Variants in TSTD2 observed in about 807,000 individuals in gnomAD.
The protein encoded by TSTD2 is thiosulfate sulfurtransferase like domain containing 2.
A neutral mutation model predicts 47.9 loss-of-function variants in TSTD2; 37 were observed. That is an observed-to-expected ratio of 0.77 (90% CI 0.59 to 1.02). The LOEUF (loss-of-function observed/expected upper bound fraction) is 1.02. Among genes scored for constraint, TSTD2 ranks in the 50% least tolerant of loss-of-function variants. The pLI, the probability that TSTD2 is intolerant of heterozygous loss-of-function variation, is 0.00. For missense variants in TSTD2, 586 were observed against 616.0 expected (o/e 0.95, Z 0.52); for synonymous variants, 201 against 215.9 (o/e 0.93, Z 0.61).
chr9:97,604,821 CT>C lies in TSTD2; in HGVS notation c.1157del (p.Lys386SerfsTer57). ...AGCCATCAGGAAACTCTTCCAGGTA[CT>C]TGTGGATGCCACCCTTGAGCTGGAA... ...EVFQLKGGIH[K>X]YLEEFPDGFY... On this transcript the variant is annotated frameshift_variant, in exon 9 of 10. Coordinates refer to ENST00000341170, the MANE Select transcript of TSTD2 (RefSeq NM_139246.5). LOFTEE classifies it high-confidence loss of function. The C allele has an allele frequency of 1.2e-6, 2 of 1,614,238 alleles. No homozygotes were observed. The highest frequency in any genetic ancestry group is 2.2e-5 in the East Asian group (1 of 44,894).
At chr9:97,614,624 G>C (rs1005441950) in intron 4 of TSTD2, among the ~76,000 whole-genome samples, 1 of 152,192 alleles carries the variant, frequency 6.6e-6, no homozygotes, top group African/African-American at 2.4e-5. Context: ...TGTGAGCCGA[G>C]ATCTGAAGTG....
intron 3 of TSTD2, among the ~76,000 whole-genome samples, chr9:97,619,724 GTTCA>G (rs1268690250): frequency 1.3e-5 from 2 of 152,046 alleles, no homozygotes; most frequent in African/African-American, 4.8e-5. Flanking sequence ...AGAAAGATGT[GTTCA>G]TTGACTGTTT....
chr9:97,602,727 G>C lies in TSTD2; in HGVS notation c.1293C>G (p.Leu431=), dbSNP rs769768342. 6 of 1,614,090 alleles carry C rather than the reference G, an allele frequency of 3.7e-6. No individual in the cohort carries two copies. The African/African-American group carries it at 6.7e-5, about 18-fold the overall frequency. ...YCGARWDQYK[L]CSTPQCRQLV... ...GCTGGCGGCACTGGGGAGTAGAGCA[G>C]AGTTTATACTGGTCCCAGCGGGCTC... is the stretch of plus-strand genomic sequence containing the variant. Residue 431 remains leucine, a synonymous_variant, in exon 10 of 10, where the codon CTC becomes CTG. Transcript: ENST00000341170.
Position 97,602,044 on chromosome 9 carries a change from T to G in TSTD2, c.*425A>C, listed in dbSNP as rs967574433. The G allele has an allele frequency of 6.2e-6, 1 of 161,964 alleles. No homozygotes were observed. Among genetic ancestry groups the G allele is most frequent in the East Asian group, 1.8e-4 (1 of 5,462 alleles). The allele number at this position is 161,964 out of a possible 1,614,324, so 10.0% of individuals were successfully genotyped here. On this transcript the variant is annotated 3_prime_UTR_variant, in exon 10 of 10. Coordinates refer to ENST00000341170, the MANE Select transcript of TSTD2 (RefSeq NM_139246.5). ...GCGAGAGACAGAGGTTAAGGGTAGA[T>G]GGCAGATGACCTAAGTGGCTTGTTT...
At chr9:97,620,091 C>A (rs1203610629) in intron 3 of TSTD2, among the ~76,000 whole-genome samples, 1 of 152,214 alleles carries the variant, frequency 6.6e-6, no homozygotes, top group African/African-American at 2.4e-5. Flanking sequence ...ACCCAAATCT[C>A]ATCTTGAATT....
chr9:97,604,722 C>T lies in TSTD2; in HGVS notation c.1252+5G>A. On this transcript the variant is annotated splice_donor_5th_base_variant and intron_variant, in intron 9 of 9. Coordinates refer to ENST00000341170, the MANE Select transcript of TSTD2 (RefSeq NM_139246.5). ...AGTTTGGGCTCTGAGCCTGTGCTGA[C>T]CTACCTGACACCACATCACTGTTGT... 1 of 1,614,134 alleles carries T rather than the reference C, an allele frequency of 6.2e-7. No individual in the cohort carries two copies. Among genetic ancestry groups the T allele is most frequent in the Non-Finnish European group, 8.5e-7 (1 of 1,179,998 alleles).
At chr9:97,610,491 C>T in intron 5 of TSTD2, 40 bp from the exon 6 acceptor site, 1 of 1,415,772 alleles carries the variant, frequency 7.1e-7, no homozygotes. Context: ...GTCTTGCTGT[C>T]CCATCTCCAG....
intron 4 of TSTD2, among the ~76,000 whole-genome samples, chr9:97,614,399 A>G (rs765298745): frequency 6.0e-5 from 8 of 133,692 alleles, no homozygotes; most frequent in African/African-American, 2.7e-4. Context: ...CATGCATTCT[A>G]TATTCTCCAA....
At chr9:97,611,850 CTG>C (rs1418655443) in intron 4 of TSTD2, 151 bp from the exon 5 acceptor site, 41 of 767,604 alleles carry the variant, frequency 5.3e-5, no homozygotes, top group Non-Finnish European at 7.1e-5. Flanking sequence ...ACAAAGATAT[CTG>C]TGTTTTTCTT....
intron 6 of TSTD2, 128 bp downstream of exon 6, chr9:97,610,218 G>A (rs1182823802): frequency 4.2e-6 from 3 of 712,758 alleles, no homozygotes; most frequent in Non-Finnish European, 6.8e-6. Flanking sequence ...GCAGCCAAGT[G>A]TTAGCCACCC....
chr9:97,626,353 G>A (rs1411853617), intron 2 of TSTD2, among the ~76,000 whole-genome samples: 1 of 152,092 alleles, frequency 6.6e-6, no homozygotes, highest in Non-Finnish European at 1.5e-5. Flanking sequence ...AGTAAATTAT[G>A]AAGTATGCTT....
intron 3 of TSTD2, among the ~76,000 whole-genome samples, chr9:97,620,365 T>C (rs565875238): frequency 6.6e-6 from 1 of 152,316 alleles, no homozygotes; most frequent in East Asian, 1.9e-4. Context: ...ATTAAACCTC[T>C]TTCTTTTGTA....
chr9:97,617,987 C>G lies in TSTD2; in HGVS notation c.483-110G>C, dbSNP rs1448087065. On this transcript the variant is annotated intron_variant, in intron 3 of 9. Coordinates refer to ENST00000341170, the MANE Select transcript of TSTD2 (RefSeq NM_139246.5). ...GAGGGAAGGCTAAGATGAGGACACT[C>G]ATGCCTGTCTTTGCTGTGATGATTG... 4.3e-6 allele frequency: 6 copies of G among 1,392,932 alleles called. No individual in the cohort carries two copies. The African/African-American group carries it at 7.2e-5, about 17-fold the overall frequency. The allele number at this position is 1,392,932 out of a possible 1,614,324, so 86.3% of individuals were successfully genotyped here.
chr9:97,606,615 G>T (rs1183756582), intron 6 of TSTD2, among the ~76,000 whole-genome samples: 1 of 152,186 alleles, frequency 6.6e-6, no homozygotes, highest in Non-Finnish European at 1.5e-5. Context: ...CTGGTCCATT[G>T]TATGGTCACT....
At position 97,600,445 on chromosome 9, in the gene TSTD2, G is replaced by GTT; in HGVS notation, c.*2022_*2023dup. On this transcript the variant is annotated 3_prime_UTR_variant, in exon 10 of 10. Coordinates refer to ENST00000341170, the MANE Select transcript of TSTD2 (RefSeq NM_139246.5). ...GATTTATGTACAATTTAATACTGGA[G>GTT]TTAGAACTTTTTCCTTATTGAATGC... 2 of 985,620 alleles carry GTT rather than the reference G, an allele frequency of 2.0e-6. No homozygotes were observed. The highest frequency in any genetic ancestry group is 9.4e-5 in the South Asian group (2 of 21,300). 61.1% of individuals were successfully genotyped at this position (985,620 alleles called of 1,614,324 possible).
At chr9:97,626,251 A>G (rs1369321252) in intron 2 of TSTD2, among the ~76,000 whole-genome samples, 1 of 152,202 alleles carries the variant, frequency 6.6e-6, no homozygotes, top group Non-Finnish European at 1.5e-5. Context: ...TTCTCAGGAT[A>G]TAAGACTAAG....
chr9:97,611,465 G>C (rs1587977983), intron 5 of TSTD2, 109 bp downstream of exon 5: 13 of 1,258,928 alleles, frequency 1.0e-5, no homozygotes, highest in East Asian at 4.9e-5. Flanking sequence ...AAGGGGAAAG[G>C]GTATTTATTT....
At chr9:97,602,960 G>A (rs1826293607) in intron 9 of TSTD2, 193 bp from the exon 10 acceptor site, 1 of 523,784 alleles carries the variant, frequency 1.9e-6, no homozygotes, top group Admixed American at 4.0e-5. Context: ...TTTTTGTGGG[G>A]GTGACTTCTG....
At position 97,602,480 on chromosome 9, in the gene TSTD2, C is replaced by A. The variant is rs1483918655; in HGVS notation, c.1540G>T (p.Val514Leu). The A allele has an allele frequency of 6.2e-7, 1 of 1,607,978 alleles. No individual in the cohort carries two copies. The highest frequency in any genetic ancestry group is 1.1e-5 in the South Asian group (1 of 90,104). ...PGPDADEDGPVLM is the reference protein window; with the variant it reads ...PGPDADEDGPLLM ...GCCAAAGGTGCTGCTCACATAAGCA[C>A]TGGCCCATCCTCATCAGCATCAGGC... The change falls in exon 10 of 10, where the codon GTG becomes TTG. Residue 514 changes from valine to leucine, a missense_variant. By Grantham distance (32) the Val-to-Leu change is conservative (BLOSUM62 1). Coordinates refer to ENST00000341170, the MANE Select transcript of TSTD2 (RefSeq NM_139246.5).
Sources: allele counts gnomAD v4.1 joint callset (sites outside exome capture counted in the v4.1 genomes callset), GRCh38; gene constraint gnomAD v4.1.1; transcripts MANE v1.5; gene names NCBI Gene and HGNC (gene_info 2026-07-23, HGNC 2026-07-21).